Variants in LINGO2 observed in about 807,000 individuals in gnomAD.
LINGO2 encodes leucine rich repeat and Ig domain containing 2, also known as leucine-rich repeat and immunoglobulin-like domain-containing nogo receptor-interacting protein 2.
LINGO2 carries 14 observed loss-of-function variants against 30.6 expected under a neutral mutation model. That is an observed-to-expected ratio of 0.46 (90% CI 0.30 to 0.72). The LOEUF (loss-of-function observed/expected upper bound fraction) is 0.72, where lower values mean the gene tolerates loss of function less well. Ranked by LOEUF, LINGO2 falls within the 30% of genes least tolerant of loss-of-function variation. LINGO2 has a pLI of 0.07. For synonymous variants in LINGO2, 317 were observed against 288.5 expected (o/e 1.10, Z -1.00); for missense variants, 729 against 751.7 (o/e 0.97, Z 0.35).
the LINGO2 span, among the ~76,000 whole-genome samples, chr9:28,992,336 C>A: frequency 6.6e-6 from 1 of 152,220 alleles, no homozygotes; most frequent in African/African-American, 2.4e-5. Flanking sequence ...TATATATGCA[C>A]CCAATACGGG....
chr9:28,791,306 A>G, the LINGO2 span, among the ~76,000 whole-genome samples: 1 of 152,034 alleles, frequency 6.6e-6, no homozygotes, highest in Non-Finnish European at 1.5e-5. Context: ...TATGTGTTCT[A>G]TATCTGTATG....
intron 5 of LINGO2, among the ~76,000 whole-genome samples, chr9:27,984,869 A>G (rs1563882491): frequency 2.6e-5 from 4 of 151,904 alleles, no homozygotes; most frequent in Non-Finnish European, 5.9e-5. Context: ...TTGAGTTTAA[A>G]TGACTTGCCC....
At chr9:28,605,757 A>G (rs1050722435) in intron 1 of LINGO2, among the ~76,000 whole-genome samples, 1 of 151,896 alleles carries the variant, frequency 6.6e-6, no homozygotes, top group African/African-American at 2.4e-5. Context: ...GCCAAATCCA[A>G]CCTAGCACCT....
the LINGO2 span, among the ~76,000 whole-genome samples, chr9:29,030,644 T>A: frequency 2.6e-5 from 4 of 152,206 alleles, no homozygotes; most frequent in Non-Finnish European, 5.9e-5. Context: ...CATTCCATTA[T>A]ATCAAGAAGT....
At chr9:29,194,325 C>T in the LINGO2 span, among the ~76,000 whole-genome samples, 1 of 152,094 alleles carries the variant, frequency 6.6e-6, no homozygotes, top group East Asian at 1.9e-4. Context: ...CACAGGCTGT[C>T]CCCTATTGCT....
the LINGO2 span, among the ~76,000 whole-genome samples, chr9:28,740,383 C>T: frequency 1.3e-5 from 2 of 151,780 alleles, no homozygotes; most frequent in Non-Finnish European, 2.9e-5. Context: ...TTGTCTATTT[C>T]TCCCTTCCAT....
intron 1 of LINGO2, among the ~76,000 whole-genome samples, chr9:28,644,225 C>T (rs112551272): frequency 2.6e-5 from 4 of 151,894 alleles, no homozygotes; most frequent in African/African-American, 7.2e-5. Flanking sequence ...ATCAGTATAT[C>T]GAAGAGATAG....
the LINGO2 span, among the ~76,000 whole-genome samples, chr9:28,773,832 T>C: frequency 6.6e-6 from 1 of 152,150 alleles, no homozygotes; most frequent in Non-Finnish European, 1.5e-5. Context: ...TGTGGATGTT[T>C]TTCAGTCCTC....
the LINGO2 span, among the ~76,000 whole-genome samples, chr9:28,708,679 G>A: frequency 6.6e-6 from 1 of 151,932 alleles, no homozygotes; most frequent in African/African-American, 2.4e-5. Flanking sequence ...GCTTCTTCGT[G>A]TAGCTTCCTT....
intron 4 of LINGO2, among the ~76,000 whole-genome samples, chr9:28,279,725 A>C (rs1325127551): frequency 1.3e-5 from 2 of 152,112 alleles, no homozygotes; most frequent in East Asian, 3.9e-4. Context: ...AATCCTCAAT[A>C]TCTGCAAGGT....
chr9:28,526,656 T>C (rs1227811784), intron 1 of LINGO2, among the ~76,000 whole-genome samples: 1 of 152,168 alleles, frequency 6.6e-6, no homozygotes, highest in Non-Finnish European at 1.5e-5. Context: ...AAAATACCTG[T>C]GTTTCTAAAG....
In LINGO2 at chr9:28,645,926, C is replaced by A. The variant is rs572300681; in HGVS notation, c.-365+24274G>T. 3.3e-5 allele frequency among the ~76,000 whole-genome samples: 5 copies of A among 152,138 alleles called. 1 individual carries two copies. In the East Asian group the frequency reaches 9.7e-4, roughly 29 times the overall value. On this transcript the variant is annotated intron_variant, in intron 1 of 5. Transcript: ENST00000379992. ...AGCTAAACAGACATGAGTTGAATAC[C>A]AGGTCTCTTACTTACTGAGTTTAGT...
At chr9:28,171,167 C>A (rs1460616027) in intron 4 of LINGO2, among the ~76,000 whole-genome samples, 2 of 152,038 alleles carry the variant, frequency 1.3e-5, no homozygotes, top group Non-Finnish European at 2.9e-5. Context: ...GCAGCATGAC[C>A]ATAATCTCTA....
the LINGO2 span, among the ~76,000 whole-genome samples, chr9:28,684,175 C>CTTTTTTTTTTTTTTTTTTTTTTTTTTTT: frequency 2.2e-5 from 1 of 45,430 alleles, no homozygotes; most frequent in Non-Finnish European, 3.8e-5. Context: ...AAATGTTTAT[C>CTTTTTTTTTTTTTTTTTTTTTTTTTTTT]TTTTTTTTTT....
the LINGO2 span, among the ~76,000 whole-genome samples, chr9:29,030,714 A>G: frequency 6.6e-6 from 1 of 152,212 alleles, no homozygotes; most frequent in Non-Finnish European, 1.5e-5. Context: ...AGAAGTATCT[A>G]CAGGGTTTCC....
chr9:28,812,061 T>C, the LINGO2 span, among the ~76,000 whole-genome samples: 2 of 150,374 alleles, frequency 1.3e-5, no homozygotes, highest in Admixed American at 1.3e-4. Context: ...TTTGGCTTCA[T>C]TCTTGTGGCA....
At chr9:28,941,972 T>G in the LINGO2 span, among the ~76,000 whole-genome samples, 2 of 152,106 alleles carry the variant, frequency 1.3e-5, no homozygotes, top group African/African-American at 2.4e-5. Flanking sequence ...TTCCTTAAGC[T>G]CCTTTGTTTT....
At chr9:28,134,813 C>T (rs1230424286) in intron 4 of LINGO2, among the ~76,000 whole-genome samples, 2 of 152,180 alleles carry the variant, frequency 1.3e-5, no homozygotes, top group African/African-American at 2.4e-5. Context: ...GAGCCGTTTC[C>T]GTTTATGACA....
the LINGO2 span, among the ~76,000 whole-genome samples, chr9:28,880,491 A>G: frequency 6.6e-6 from 1 of 152,218 alleles, no homozygotes; most frequent in African/African-American, 2.4e-5. Flanking sequence ...TCTAGTCTCA[A>G]TAAACCAGGG....
Sources: gnomAD v4.1 joint callset for allele counts (sites outside exome capture counted in the v4.1 genomes callset) on GRCh38, gnomAD v4.1.1 for gene constraint, MANE v1.5 for transcripts, NCBI Gene and HGNC (gene_info 2026-07-23, HGNC 2026-07-21) for gene names.